Variants in PCBP3 observed in about 807,000 individuals in gnomAD.
PCBP3 encodes the protein poly(rC) binding protein 3.
In PCBP3, 25 loss-of-function variants were observed where a neutral mutation model predicts 52.7. That is an observed-to-expected ratio of 0.47 (90% CI 0.35 to 0.66). The LOEUF (loss-of-function observed/expected upper bound fraction) is 0.66. PCBP3 is among the 30% of genes least tolerant of loss of function. PCBP3 has a pLI of 0.01. For synonymous variants in PCBP3, 162 were observed against 183.0 expected, an observed-to-expected ratio of 0.89 and a Z score of 0.93; for missense variants, 391 against 490.3, an observed-to-expected ratio of 0.80 and a Z score of 1.91.
rs558092523 is a variant in PCBP3, at chr21:45,741,819, C to T, written c.-162+6390C>T. On this transcript the variant is annotated intron_variant, in intron 3 of 17. Transcript: ENST00000681687. This position sits in a 1 kb window ranked among gnomAD's most constrained non-coding sequence, Gnocchi z 4.5. ...GTCCTCTCCACTTCAGAGGCCCGGC[C>T]TCTGGCTTGGTGAATCTGAGGCAGA... 2.0e-5 allele frequency among the ~76,000 whole-genome samples: 3 copies of T among 152,284 alleles called. No homozygotes were observed. Among genetic ancestry groups the T allele is most frequent in the East Asian group, 1.9e-4 (1 of 5,168 alleles).
chr21:45,894,602 A>G (rs903553734), intron 5 of PCBP3, among the ~76,000 whole-genome samples: 1 of 152,214 alleles, frequency 6.6e-6, no homozygotes, highest in African/African-American at 2.4e-5. Context: ...CACTGAAGCA[A>G]TGGTGTGAGC....
intron 4 of PCBP3, among the ~76,000 whole-genome samples, chr21:45,792,686 T>C (rs1312938639): frequency 6.6e-6 from 1 of 152,242 alleles, no homozygotes; most frequent in Admixed American, 6.5e-5. Flanking sequence ...AAACAGGCGA[T>C]GTTTGTGGAA....
chr21:45,697,752 C>G (rs1324783706), intron 2 of PCBP3, among the ~76,000 whole-genome samples: 3 of 90,250 alleles, frequency 3.3e-5, no homozygotes, highest in African/African-American at 1.7e-4. Flanking sequence ...GAGACCCTGT[C>G]TCAAAAAAAA....
intron 16 of PCBP3, among the ~76,000 whole-genome samples, chr21:45,939,326 TC>T (rs546323720): frequency 8.6e-4 from 131 of 152,320 alleles, no homozygotes; most frequent in African/African-American, 3.0e-3. Context: ...GCCCGAGTTG[TC>T]CCCGACGCCC....
intron 5 of PCBP3, among the ~76,000 whole-genome samples, chr21:45,864,497 AT>A (rs1383285973): frequency 1.3e-5 from 2 of 152,242 alleles, no homozygotes; most frequent in African/African-American, 4.8e-5. Flanking sequence ...TTACAACAAA[AT>A]TTTATATTTT....
Position 45,907,069 on chromosome 21 carries a change from C to T in PCBP3, c.340-2286C>T, listed in dbSNP as rs1047970874. On this transcript the variant is annotated intron_variant, in intron 9 of 17. Transcript: ENST00000681687. ...GAAGGCCAGGCGGAGGCCGGCCGCC[C>T]GTTCCTTCCTCGGGCTCCCTCACTG... is the stretch of plus-strand genomic sequence containing the variant. Among the ~76,000 whole-genome samples, 7 of 152,362 alleles carry T rather than the reference C, an allele frequency of 4.6e-5. No homozygotes were observed. The South Asian group carries it at 1.0e-3, about 23-fold the overall frequency.
intron 2 of PCBP3, among the ~76,000 whole-genome samples, chr21:45,702,493 A>C (rs2083191104): frequency 6.6e-6 from 1 of 152,214 alleles, no homozygotes; most frequent in South Asian, 2.1e-4. Context: ...TTGGTTTCTC[A>C]AGGCAAACAA....
intron 1 of PCBP3, among the ~76,000 whole-genome samples, chr21:45,664,443 T>A (rs887497627): frequency 6.7e-6 from 1 of 149,812 alleles, no homozygotes; most frequent in Non-Finnish European, 1.5e-5. Flanking sequence ...ATGTGCACTA[T>A]GAGAAGTGAA....
Position 45,898,310 on chromosome 21 carries a change from T to TCCCTCTACACACCGTCCTCACAGC in PCBP3, c.166-1288_166-1287insCCTCTACACACCGTCCTCACAGCC, listed in dbSNP as rs1569466357. Among the ~76,000 whole-genome samples the TCCCTCTACACACCGTCCTCACAGC allele has an allele frequency of 5.4e-3, 376 of 70,074 alleles. 30 individuals are homozygous for TCCCTCTACACACCGTCCTCACAGC. Among genetic ancestry groups the TCCCTCTACACACCGTCCTCACAGC allele is most frequent in the Non-Finnish European group, 4.9e-3 (172 of 34,834 alleles). 46.0% of individuals were successfully genotyped at this position (70,074 alleles called of 152,430 possible). A position where few individuals can be genotyped will look rare whatever the true frequency, so the allele number is the denominator to read the frequency against. ...GCCCCTCTGCACACCGTCCTCACAG[T>TCCCTCTACACACCGTCCTCACAGC]CTCCCTCTGCACACCGTCCTCACAG... On this transcript the variant is annotated intron_variant, in intron 6 of 17. Coordinates refer to ENST00000681687, the MANE Select transcript of PCBP3 (RefSeq NM_001384156.1).
At position 45,769,967 on chromosome 21, in the gene PCBP3, G is replaced by A. The variant is rs995142209; in HGVS notation, c.-126+14515G>A. On this transcript the variant is annotated intron_variant, in intron 4 of 17. Coordinates refer to ENST00000681687, the MANE Select transcript of PCBP3 (RefSeq NM_001384156.1). Reference sequence around the variant, plus strand: ...TGGAAGAAGAACTTTTCTGGACATTGTTTAGCCTGCAGGAGGTTTTGTTTA... The same window carrying A: ...TGGAAGAAGAACTTTTCTGGACATTATTTAGCCTGCAGGAGGTTTTGTTTA... Among the ~76,000 whole-genome samples the A allele has an allele frequency of 4.6e-5, 7 of 152,232 alleles. No individual in the cohort carries two copies. The South Asian group carries it at 1.4e-3, about 31-fold the overall frequency.
Position 45,805,318 on chromosome 21 carries a change from T to TG in PCBP3, c.-125-44636dup, listed in dbSNP as rs1603436079. 6.6e-6 allele frequency among the ~76,000 whole-genome samples: 1 copy of TG among 151,992 alleles called. No homozygotes were observed. Among genetic ancestry groups the TG allele is most frequent in the Non-Finnish European group, 1.5e-5 (1 of 67,944 alleles). On this transcript the variant is annotated intron_variant, in intron 4 of 17. Transcript: ENST00000681687. This position sits in a 1 kb window ranked among gnomAD's most constrained non-coding sequence, Gnocchi z 4.6. ...AGCTGAAAACCCCCCAGGTGGTGTC[T>TG]GGGGGGGAAAGTAATTGGAAGATTA... is the stretch of plus-strand genomic sequence containing the variant.
intron 2 of PCBP3, among the ~76,000 whole-genome samples, chr21:45,674,728 T>C (rs2081364740): frequency 6.6e-6 from 1 of 152,198 alleles, no homozygotes; most frequent in Non-Finnish European, 1.5e-5. Context: ...ATATGATTAG[T>C]GTGGAGGCTG....
chr21:45,905,506 C>G (rs1253886646), intron 9 of PCBP3, among the ~76,000 whole-genome samples: 2 of 152,264 alleles, frequency 1.3e-5, no homozygotes, highest in Non-Finnish European at 2.9e-5. Flanking sequence ...CGGCAGCACA[C>G]TGTCCCAGCC....
intron 9 of PCBP3, among the ~76,000 whole-genome samples, chr21:45,906,311 G>A (rs1228850633): frequency 3.9e-5 from 6 of 152,114 alleles, no homozygotes; most frequent in Admixed American, 1.3e-4. Flanking sequence ...TGAGGTCTTC[G>A]GCAGATCAGT....
In PCBP3 at chr21:45,900,385, TCA is replaced by T. The variant is rs2095999995; in HGVS notation, c.190-205_190-204del. 2.0e-5 allele frequency among the ~76,000 whole-genome samples: 3 copies of T among 152,258 alleles called. No individual in the cohort carries two copies. The South Asian group carries it at 6.2e-4, about 32-fold the overall frequency. On this transcript the variant is annotated intron_variant, in intron 7 of 17. Transcript: ENST00000681687. ...GTGGGTGCACTTGCATTCCTGGGCC[TCA>T]GTTTCCCATCTGAAATGTCTGCCAG...
chr21:45,673,357 G>A (rs183408696), intron 2 of PCBP3, among the ~76,000 whole-genome samples: 53 of 152,270 alleles, frequency 3.5e-4, no homozygotes, highest in Admixed American at 1.3e-3. Flanking sequence ...GTTTTTAACT[G>A]TATTAACACT....
chr21:45,930,766 G>T lies in PCBP3; in HGVS notation c.797-20G>T, dbSNP rs1272581772. ...TCCTTGAGGGCAAAACATTAAACCT[G>T]TCTCTTCTTTGCTCTCCAGGAGAAA... On this transcript the variant is annotated intron_variant, in intron 14 of 17. Coordinates refer to ENST00000681687, the MANE Select transcript of PCBP3 (RefSeq NM_001384156.1). 9.2e-7 allele frequency: 1 copy of T among 1,089,452 alleles called. No homozygotes were observed. Among genetic ancestry groups the T allele is most frequent in the Non-Finnish European group, 1.4e-6 (1 of 701,220 alleles). The allele number at this position is 1,089,452 out of a possible 1,614,324, so 67.5% of individuals were successfully genotyped here.
At chr21:45,786,162 T>G (rs563228439) in intron 4 of PCBP3, among the ~76,000 whole-genome samples, 2 of 147,200 alleles carry the variant, frequency 1.4e-5, no homozygotes, top group Non-Finnish European at 3.0e-5. Context: ...ATAAATCATA[T>G]CAAAGTAAAA....
At chr21:45,816,042 G>C (rs1431274599) in intron 4 of PCBP3, among the ~76,000 whole-genome samples, 4 of 145,394 alleles carry the variant, frequency 2.8e-5, no homozygotes, top group Admixed American at 6.8e-5. Context: ...AGTGGTGAGT[G>C]AGTGGTGAGT....
Sources: allele counts gnomAD v4.1 joint callset (sites outside exome capture counted in the v4.1 genomes callset), GRCh38; gene constraint gnomAD v4.1.1; non-coding constraint Gnocchi (gnomAD v3.1); transcripts MANE v1.5; gene names NCBI Gene and HGNC (gene_info 2026-07-23, HGNC 2026-07-21).